The following SCYL1 variants were observed in gnomAD, a reference collection of about 807,000 sequenced individuals.
SCYL1 encodes SCY1 like pseudokinase 1.
SCYL1 carries 85 observed loss-of-function variants against 94.8 expected under a neutral mutation model. The ratio of observed to expected loss-of-function variants is 0.90; its 90% CI spans 0.75 to 1.07. The LOEUF (loss-of-function observed/expected upper bound fraction) is 1.07. SCYL1 is among the 50% of genes least tolerant of loss of function. The pLI is 0.00. For synonymous variants in SCYL1, 459 were observed against 435.5 expected (o/e 1.05, Z -0.67); for missense variants, 968 against 1,083.3 (o/e 0.89, Z 1.49).
intron 8 of SCYL1, among the ~76,000 whole-genome samples, chr11:65,531,934 G>A (rs1434398111): frequency 6.6e-6 from 1 of 152,188 alleles, no homozygotes; most frequent in Non-Finnish European, 1.5e-5. Flanking sequence ...CAGTCACTCT[G>A]GCCCTCTAGA....
rs1329998115 is a variant in SCYL1, at chr11:65,538,666, C to T, written c.*100C>T. The T allele has an allele frequency of 3.0e-6, 4 of 1,354,800 alleles. No individual in the cohort carries two copies. The highest frequency in any genetic ancestry group is 2.3e-5 in the Admixed American group (1 of 43,374). The allele number at this position is 1,354,800 out of a possible 1,614,324, so 83.9% of individuals were successfully genotyped here. A position where few individuals can be genotyped will look rare whatever the true frequency, so the allele number is the denominator to read the frequency against. The stretch of plus-strand genomic sequence containing the variant: ...CGGCCGGCCCAGCCAGGCCATCTCA[C>T]GTGTACATAATCAGAGCCACAATAA... On this transcript the variant is annotated 3_prime_UTR_variant, in exon 18 of 18. Coordinates refer to ENST00000270176, the MANE Select transcript of SCYL1 (RefSeq NM_020680.4).
chr11:65,534,073 A>T (rs907641074), intron 9 of SCYL1, among the ~76,000 whole-genome samples: 1 of 152,018 alleles, frequency 6.6e-6, no homozygotes, highest in Non-Finnish European at 1.5e-5. Context: ...CTAAAAGTAC[A>T]AAAACAATCT....
Position 65,526,347 on chromosome 11 carries a change from AGTG to A in SCYL1, c.602+2_602+4del, listed in dbSNP as rs778930427. On this transcript the variant is annotated inframe_deletion and splice_region_variant, in exon 4 of 18. Transcript: ENST00000270176. The surrounding 1 kb of genome is among the most constrained non-coding windows in gnomAD (Gnocchi z 4.1). ...AGCAGTGGCAGAGTGGTCAGAGAGA[AGTG>A]GTGGGTGACTGGGGGCAGCGCGCCC... 1 of 1,596,174 alleles carries A rather than the reference AGTG, an allele frequency of 6.3e-7. No individual in the cohort carries two copies. The highest frequency in any genetic ancestry group is 1.1e-5 in the South Asian group (1 of 89,610).
rs143344789 is a variant in SCYL1 at position 65,532,280 on chromosome 11, C to A, written c.1117-412C>A. Among the ~76,000 whole-genome samples the A allele has an allele frequency of 7.0e-3, 1,065 of 152,200 alleles. 10 individuals carry two copies. Among genetic ancestry groups the A allele is most frequent in the African/African-American group, 0.024 (982 of 41,536 alleles). On this transcript the variant is annotated intron_variant, in intron 8 of 17. Transcript: ENST00000270176. ...TCTCTACTAAAAATACAAAAATTAGCCAGGTGCGGTGGTGGGTGCCTGTAA... is the reference window on the plus strand; with the variant it reads ...TCTCTACTAAAAATACAAAAATTAGACAGGTGCGGTGGTGGGTGCCTGTAA...
chr11:65,527,146 A>G, intron 6 of SCYL1, 29 bp downstream of exon 6: 1 of 1,603,642 alleles, frequency 6.2e-7, no homozygotes, highest in Admixed American at 1.7e-5. Context: ...CTGGGCTTCG[A>G]CCCTATCTTT....
intron 6 of SCYL1, 104 bp from the exon 7 acceptor site, chr11:65,530,525 C>T: frequency 7.6e-7 from 1 of 1,315,826 alleles, no homozygotes; most frequent in East Asian, 2.5e-5. Flanking sequence ...GGCTCCAGAG[C>T]CCATAAGGCC....
Position 65,525,218 on chromosome 11 carries a change from AG to A in SCYL1, c.68del (p.Gly23AlafsTer28). On this transcript the variant is annotated frameshift_variant, in exon 1 of 18. Coordinates refer to ENST00000270176, the MANE Select transcript of SCYL1 (RefSeq NM_020680.4). LOFTEE classifies it high-confidence loss of function. ...TTCGAGCTCATCCCGGAGCCCCCAGAGGGCGGCCTGCCCGGGCCCTGGGCCC... is the reference window on the plus strand; with the variant it reads ...TTCGAGCTCATCCCGGAGCCCCCAGAGGCGGCCTGCCCGGGCCCTGGGCCC... ...FPFELIPEPP[E>X]GGLPGPWALH... is the part of the protein sequence containing the mutation. 1 of 1,456,094 alleles carries A rather than the reference AG, an allele frequency of 6.9e-7. No homozygotes were observed. Among genetic ancestry groups the A allele is most frequent in the South Asian group, 1.3e-5 (1 of 74,446 alleles). 90.2% of individuals were successfully genotyped at this position (1,456,094 alleles called of 1,614,324 possible). A position where few individuals can be genotyped will look rare whatever the true frequency, so the allele number is the denominator to read the frequency against.
intron 1 of SCYL1, 91 bp downstream of exon 1, chr11:65,525,355 T>A: frequency 8.8e-7 from 1 of 1,139,790 alleles, no homozygotes; most frequent in Non-Finnish European, 1.2e-6. Flanking sequence ...CGGCCTGACG[T>A]GGCGGCGGAA....
rs1855638783 is a variant in SCYL1, at chr11:65,536,292, T to C, written c.1609T>C (p.Leu537=). The C allele has an allele frequency of 2.5e-6, 4 of 1,614,112 alleles. No homozygotes were observed. The highest frequency in any genetic ancestry group is 1.1e-5 in the South Asian group (1 of 91,080). ...FKAIRSFLSK[L]ESVSEDPTQL... is the part of the protein sequence containing the mutation. ...GGCCATTCGGAGCTTCCTGTCCAAA[T>C]TGGAGTCTGTGTCGGAGGACCCGAC... is the stretch of plus-strand genomic sequence containing the variant. Residue 537 remains leucine (L), a synonymous_variant, in exon 12 of 18, where the codon TTG becomes CTG. Coordinates refer to ENST00000270176, the MANE Select transcript of SCYL1 (RefSeq NM_020680.4).
chr11:65,529,236 G>A (rs965980281), intron 6 of SCYL1, among the ~76,000 whole-genome samples: 2 of 152,208 alleles, frequency 1.3e-5, no homozygotes, highest in African/African-American at 4.8e-5. Flanking sequence ...AACCTGGAAG[G>A]AGAAGCTGCT....
At position 65,538,283 on chromosome 11, in the gene SCYL1, C is replaced by G; in HGVS notation, c.2261C>G (p.Ser754Cys). ...ARPSTQPRPD[S>C]WGEDNWEGLE... is the part of the protein sequence containing the mutation. ...TTCTCTTTACAGCCGAGGCCAGACT[C>G]TTGGGGTGAGGACAACTGGGAGGGC... The change falls in exon 17 of 18, where the codon TCT (serine) becomes TGT (cysteine). Residue 754 changes from serine (S) to cysteine (C), a missense_variant. Ser to Cys is a moderately radical substitution (Grantham distance 112). This residue lies in a region of SCYL1 where 474 missense variants were observed against 463.6 expected (regional missense o/e 1.02). Transcript: ENST00000270176. 6.4e-7 allele frequency: 1 copy of G among 1,552,914 alleles called. No individual in the cohort carries two copies. The highest frequency in any genetic ancestry group is 2.4e-5 in the East Asian group (1 of 41,048).
chr11:65,538,487 G>A lies in SCYL1; in HGVS notation c.2348G>A (p.Arg783Gln), dbSNP rs1375772475. The change falls in exon 18 of 18, where the codon CGG (arginine) becomes CAG (glutamine). Residue 783 changes from arginine to glutamine, a missense_variant. By Grantham distance (43) the Arg-to-Gln change is conservative (BLOSUM62 1). Coordinates refer to ENST00000270176, the MANE Select transcript of SCYL1 (RefSeq NM_020680.4). Reference protein sequence around the residue: ...ELARKKREERRREMEAKRAER... With the variant: ...ELARKKREERQREMEAKRAER... ...GCCCGGAAGAAGCGCGAGGAGCGGC[G>A]GCGGGAGATGGAGGCCAAACGCGCC... is the stretch of plus-strand genomic sequence containing the variant. 5 of 1,594,736 alleles carry A rather than the reference G, an allele frequency of 3.1e-6. No homozygotes were observed. In the South Asian group the frequency reaches 3.4e-5, roughly 11 times the overall value.
At chr11:65,537,742 A>C (rs749721686) in intron 14 of SCYL1, 67 bp from the exon 15 acceptor site, 2 of 1,381,026 alleles carry the variant, frequency 1.4e-6, no homozygotes, top group Admixed American at 2.4e-5. Flanking sequence ...GGCTGGGATG[A>C]TGCTGGGGCG....
chr11:65,538,364 C>A, intron 17 of SCYL1, 40 bp downstream of exon 17: 1 of 1,539,188 alleles, frequency 6.5e-7, no homozygotes, highest in Non-Finnish European at 8.8e-7. Context: ...CTAGGGCTCC[C>A]CGACTAGCCC....
At chr11:65,536,950 A>AC (rs779785972) in intron 13 of SCYL1, 36 bp from the exon 14 acceptor site, 5 of 1,569,804 alleles carry the variant, frequency 3.2e-6, no homozygotes, top group East Asian at 2.3e-5. Context: ...CTGTCCCAAG[A>AC]CCCCCCTGAA....
Position 65,525,560 on chromosome 11 carries a change from C to A in SCYL1, c.112-14C>A. The A allele has an allele frequency of 6.2e-7, 1 of 1,610,092 alleles. No individual in the cohort carries two copies. The highest frequency in any genetic ancestry group is 8.5e-7 in the Non-Finnish European group (1 of 1,179,456). ...AGCTCTGGGACCATCTCAGGCCCCG[C>A]TGCCCTCCCCTAGGCCACAGGCAGC... On this transcript the variant is annotated splice_polypyrimidine_tract_variant and intron_variant, in intron 1 of 17. Transcript: ENST00000270176.
chr11:65,537,772 A>G (rs1177870579), intron 14 of SCYL1, 37 bp from the exon 15 acceptor site: 3 of 1,502,760 alleles, frequency 2.0e-6, no homozygotes, highest in East Asian at 4.9e-5. Context: ...GCCCTTTAGC[A>G]TGGGGTGGGA....
chr11:65,538,260 C>G lies in SCYL1; in HGVS notation c.2248-10C>G. On this transcript the variant is annotated splice_polypyrimidine_tract_variant and intron_variant, in intron 16 of 17. Coordinates refer to ENST00000270176, the MANE Select transcript of SCYL1 (RefSeq NM_020680.4). ...GTGGGCCCCACTGCAGCCCACACTT[C>G]TCTTTACAGCCGAGGCCAGACTCTT... 3.2e-6 allele frequency: 5 copies of G among 1,553,734 alleles called. No individual in the cohort carries two copies. The highest frequency in any genetic ancestry group is 1.2e-5 in the South Asian group (1 of 84,250).
chr11:65,531,739 TGGGG>T, intron 8 of SCYL1, 56 bp downstream of exon 8: 1 of 1,363,774 alleles, frequency 7.3e-7, no homozygotes, highest in Non-Finnish European at 1.0e-6. Context: ...ACCTGGTGGC[TGGGG>T]AGGCACCTGC....
Sources: gnomAD v4.1 joint callset for allele counts (sites outside exome capture counted in the v4.1 genomes callset) on GRCh38, gnomAD v4.1.1 for gene constraint, gnomAD v4.1.1 regional missense constraint, Gnocchi (gnomAD v3.1) non-coding constraint, MANE v1.5 for transcripts, NCBI Gene and HGNC (gene_info 2026-07-23, HGNC 2026-07-21) for gene names.